The following CACNA1G variants were observed in gnomAD, a reference collection of about 807,000 sequenced individuals.
CACNA1G encodes calcium voltage-gated channel subunit alpha1 G.
CACNA1G carries 67 observed loss-of-function variants against 219.4 expected under a neutral mutation model. That is an observed-to-expected ratio of 0.31 (90% confidence interval 0.25 to 0.37). CACNA1G has a LOEUF of 0.37. Among genes scored for constraint, CACNA1G ranks in the 10% least tolerant of loss-of-function variants. The probability of loss-of-function intolerance (pLI) is 1.00; values close to 1 mark genes in which losing one functional copy is unlikely to be tolerated. For missense variants in CACNA1G, 2,380 were observed against 3,231.4 expected (o/e 0.74, Z 6.39); for synonymous variants, 1,296 against 1,345.3 (o/e 0.96, Z 0.80).
rs746067230 is a variant in CACNA1G at position 50,616,248 on chromosome 17, C to G, written c.4912-27C>G. ...GCCCCAGCCCTGGGCCTTAAGGGAC[C>G]CTGCATCTTGCCCCCATCCCTGCCA... On this transcript the variant is annotated intron_variant, in intron 27 of 37. Coordinates refer to ENST00000359106, the MANE Select transcript of CACNA1G (RefSeq NM_018896.5). 4 of 1,439,478 alleles carry G rather than the reference C, an allele frequency of 2.8e-6. No individual in the cohort carries two copies. The South Asian group carries it at 3.4e-5, about 12-fold the overall frequency. 89.2% of individuals were successfully genotyped at this position (1,439,478 alleles called of 1,614,324 possible). A position where few individuals can be genotyped will look rare whatever the true frequency, so the allele number is the denominator to read the frequency against.
In CACNA1G at chr17:50,561,283, G is replaced by A. The variant is rs1158351800; in HGVS notation, c.-177G>A. Reference sequence around the variant, plus strand: ...CCTGCGCCCCGGCGCCCCGCGGGCAGCATGCCCCTGCGGGCAGGGGGAGCT... The same window carrying A: ...CCTGCGCCCCGGCGCCCCGCGGGCAACATGCCCCTGCGGGCAGGGGGAGCT... On this transcript the variant is annotated 5_prime_UTR_variant, in exon 1 of 38. Transcript: ENST00000359106. 3.0e-6 allele frequency: 2 copies of A among 663,682 alleles called. No individual in the cohort carries two copies. The highest frequency in any genetic ancestry group is 2.1e-5 in the South Asian group (1 of 48,420). The allele number at this position is 663,682 out of a possible 1,614,324, so 41.1% of individuals were successfully genotyped here. A position where few individuals can be genotyped will look rare whatever the true frequency, so the allele number is the denominator to read the frequency against.
chr17:50,607,658 C>A lies in CACNA1G; in HGVS notation c.4513-169C>A, dbSNP rs12947179. 168,647 of 600,584 alleles carry A rather than the reference C, an allele frequency of 0.28. 26,662 individuals carry two copies. The highest frequency in any genetic ancestry group is 0.33 in the Non-Finnish European group (112,036 of 336,120). 37.2% of individuals were successfully genotyped at this position (600,584 alleles called of 1,614,324 possible). On this transcript the variant is annotated intron_variant, in intron 24 of 37. Transcript: ENST00000359106. ...GGAGAATCTACTCTCCCCTTTACCA[C>A]AGTCCCCGCCCCTCCCTACTGCTTC...
At position 50,603,207 on chromosome 17, in the gene CACNA1G, C is replaced by T; in HGVS notation, c.4169+8C>T. The T allele has an allele frequency of 6.3e-7, 1 of 1,599,100 alleles. No homozygotes were observed. The highest frequency in any genetic ancestry group is 8.5e-7 in the Non-Finnish European group (1 of 1,178,896). ...GACCCTGCGCCCGCTCAGGTGACTC[C>T]CTCCCCAGCACTGGAACACCTCCAA... On this transcript the variant is annotated splice_region_variant and intron_variant, in intron 21 of 37. Transcript: ENST00000359106. This position sits in a 1 kb window ranked among gnomAD's most constrained non-coding sequence, Gnocchi z 6.4.
rs369168658 is a variant in CACNA1G, at chr17:50,595,008, G to A, written c.2926G>A (p.Glu976Lys). The part of the protein sequence containing the change: ...GFQAEEISKR[E>K]DASGQLSCIQ... ...TTCCCTGTAGGAAATCAGCAAACGG[G>A]AAGATGCGAGTGGACAGTTAAGCTG... The change falls in exon 14 of 38, where the codon GAA becomes AAA. Residue 976 changes from glutamate (E) to lysine (K), a missense_variant. Coordinates refer to ENST00000359106, the MANE Select transcript of CACNA1G (RefSeq NM_018896.5). 4.8e-5 allele frequency: 74 copies of A among 1,554,500 alleles called. No homozygotes were observed. The highest frequency in any genetic ancestry group is 6.4e-5 in the Non-Finnish European group (74 of 1,148,484).
At chr17:50,565,386 G>GT (rs199747975) in intron 1 of CACNA1G, among the ~76,000 whole-genome samples, 2 of 143,128 alleles carry the variant, frequency 1.4e-5, no homozygotes, top group African/African-American at 5.0e-5. Flanking sequence ...GTGGGGTGGG[G>GT]CGGGGGGTTC....
chr17:50,581,156 G>T (rs935381150), intron 9 of CACNA1G, among the ~76,000 whole-genome samples: 1 of 151,796 alleles, frequency 6.6e-6, no homozygotes, highest in African/African-American at 2.4e-5. Context: ...TATGGAGGGA[G>T]AGATGAGCCA....
rs2035512636 is a variant in CACNA1G, at chr17:50,561,264, C to A, written c.-196C>A. The A allele has an allele frequency of 1.2e-5, 7 of 591,168 alleles. No homozygotes were observed. Among genetic ancestry groups the A allele is most frequent in the Non-Finnish European group, 2.0e-5 (7 of 351,406 alleles). The allele number at this position is 591,168 out of a possible 1,614,324, so 36.6% of individuals were successfully genotyped here. A position where few individuals can be genotyped will look rare whatever the true frequency, so the allele number is the denominator to read the frequency against. ...TCGCGCCGGGCGGGGTTTCCCTGCG[C>A]CCCGGCGCCCCGCGGGCAGCATGCC... On this transcript the variant is annotated 5_prime_UTR_variant, in exon 1 of 38. Transcript: ENST00000359106.
chr17:50,627,346 G>T lies in CACNA1G; in HGVS notation c.*595G>T. 2.6e-6 allele frequency: 1 copy of T among 381,678 alleles called. No individual in the cohort carries two copies. Among genetic ancestry groups the T allele is most frequent in the Non-Finnish European group, 5.1e-6 (1 of 195,192 alleles). The allele number at this position is 381,678 out of a possible 1,614,324, so 23.6% of individuals were successfully genotyped here. On this transcript the variant is annotated 3_prime_UTR_variant, in exon 38 of 38. Transcript: ENST00000359106. ...TTTAACCTCGTCATCATTTTCTGTAGGGAAAAAAAAAAGAAAAAGAAAAAA... is the reference window on the plus strand; with the variant it reads ...TTTAACCTCGTCATCATTTTCTGTATGGAAAAAAAAAAGAAAAAGAAAAAA...
chr17:50,570,672 A>G (rs2144693732), intron 4 of CACNA1G, among the ~76,000 whole-genome samples: 1 of 151,898 alleles, frequency 6.6e-6, no homozygotes, highest in South Asian at 2.1e-4. Context: ...CAGGAGCTCC[A>G]GAAGAGGGGC....
intron 25 of CACNA1G, among the ~76,000 whole-genome samples, chr17:50,609,023 G>A (rs2146000938): frequency 6.6e-6 from 1 of 152,276 alleles, no homozygotes; most frequent in South Asian, 2.1e-4. Flanking sequence ...GGTTTCCCAT[G>A]CTCTCTTCAC....
intron 13 of CACNA1G, among the ~76,000 whole-genome samples, chr17:50,593,091 T>C (rs1235230639): frequency 1.3e-5 from 2 of 152,080 alleles, no homozygotes. Context: ...CTCCCTCCTG[T>C]GGGGCAGCCA....
In CACNA1G at chr17:50,595,766, C is replaced by T. The variant is rs1421460509; in HGVS notation, c.2979+705C>T. Among the ~76,000 whole-genome samples the T allele has an allele frequency of 3.3e-5, 5 of 152,234 alleles. No individual in the cohort carries two copies. In the East Asian group the frequency reaches 5.8e-4, roughly 18 times the overall value. On this transcript the variant is annotated intron_variant, in intron 14 of 37. Coordinates refer to ENST00000359106, the MANE Select transcript of CACNA1G (RefSeq NM_018896.5). ...TGGGACCCCATGGTGCTGCATATCC[C>T]GAGCAGCCCCCTGGAGATCCCACTT...
At chr17:50,622,991 C>T (rs1211791526) in intron 35 of CACNA1G, among the ~76,000 whole-genome samples, 2 of 152,070 alleles carry the variant, frequency 1.3e-5, no homozygotes, top group African/African-American at 4.8e-5. Context: ...AGCCTGCAAC[C>T]TGCAAGCTCT....
At chr17:50,598,610 C>T (rs1004208023) in intron 16 of CACNA1G, among the ~76,000 whole-genome samples, 6 of 152,356 alleles carry the variant, frequency 3.9e-5, no homozygotes, top group Middle Eastern at 3.4e-3. Flanking sequence ...TCCTCACCAG[C>T]GCTTGTTATC....
At chr17:50,563,267 C>T (rs1208979013) in intron 1 of CACNA1G, 2 of 152,398 alleles carry the variant, frequency 1.3e-5, no homozygotes, top group Non-Finnish European at 2.9e-5. Context: ...TCCTTTCTCT[C>T]TGAGCTGCAG....
In CACNA1G at chr17:50,618,698, C is replaced by T. The variant is rs750060925; in HGVS notation, c.5471C>T (p.Thr1824Met). The T allele has an allele frequency of 6.8e-6, 11 of 1,613,974 alleles. No homozygotes were observed. Among genetic ancestry groups the T allele is most frequent in the South Asian group, 2.2e-5 (2 of 91,086 alleles). ...GACCAGGAGTCCACCTGCTACAACACGGTCATCTCGCCTATCTACTTTGTG... is the reference window on the plus strand; with the variant it reads ...GACCAGGAGTCCACCTGCTACAACATGGTCATCTCGCCTATCTACTTTGTG... ...DCDQESTCYN[T>M]VISPIYFVSF... Residue 1824 changes from threonine (T) to methionine (M), a missense_variant, in exon 33 of 38, where the codon ACG becomes ATG. Around this residue, in one of 17 missense-constraint regions of CACNA1G, gnomAD observed 33 missense variants for 70.2 expected, o/e 0.47. Coordinates refer to ENST00000359106, the MANE Select transcript of CACNA1G (RefSeq NM_018896.5). This position sits in a 1 kb window ranked among gnomAD's most constrained non-coding sequence, Gnocchi z 5.3.
intron 22 of CACNA1G, among the ~76,000 whole-genome samples, chr17:50,604,565 A>G (rs1252876867): frequency 6.6e-6 from 1 of 152,228 alleles, no homozygotes; most frequent in African/African-American, 2.4e-5. Flanking sequence ...CCCTGAGCAC[A>G]GACGCTGGCC....
chr17:50,627,077 C>A lies in CACNA1G; in HGVS notation c.*326C>A, dbSNP rs756668063. 2.0e-6 allele frequency: 1 copy of A among 500,378 alleles called. No individual in the cohort carries two copies. The highest frequency in any genetic ancestry group is 3.9e-6 in the Non-Finnish European group (1 of 258,204). 31.0% of individuals were successfully genotyped at this position (500,378 alleles called of 1,614,324 possible). A position where few individuals can be genotyped will look rare whatever the true frequency, so the allele number is the denominator to read the frequency against. The stretch of plus-strand genomic sequence containing the variant: ...TTAAATTAATTGAATCTAGTATATG[C>A]GGGATGTACGACATTTTGTGACTGA... On this transcript the variant is annotated 3_prime_UTR_variant, in exon 38 of 38. Transcript: ENST00000359106.
chr17:50,587,725 G>A (rs982107967), intron 9 of CACNA1G, among the ~76,000 whole-genome samples: 1 of 152,234 alleles, frequency 6.6e-6, no homozygotes, highest in African/African-American at 2.4e-5. Flanking sequence ...TCCAGGCCTG[G>A]AGTCACTTGG....
Sources: allele counts gnomAD v4.1 joint callset (sites outside exome capture counted in the v4.1 genomes callset), GRCh38; gene constraint gnomAD v4.1.1; regional missense constraint gnomAD v4.1.1; non-coding constraint Gnocchi (gnomAD v3.1); transcripts MANE v1.5; gene names NCBI Gene and HGNC (gene_info 2026-07-23, HGNC 2026-07-21).